ATG5: variants seen among roughly 807,000 people sequenced by gnomAD.
ATG5 encodes the protein autophagy related 5.
A neutral mutation model predicts 36.5 loss-of-function variants in ATG5; 14 were observed. The observed-to-expected ratio is 0.38, with a 90% confidence interval of 0.25 to 0.60. The LOEUF (loss-of-function observed/expected upper bound fraction) is 0.60. Ranked by LOEUF, ATG5 falls within the 20% of genes least tolerant of loss-of-function variation. The pLI, the probability that ATG5 is intolerant of heterozygous loss-of-function variation, is 0.60. For synonymous variants in ATG5, 95 were observed against 101.5 expected, an observed-to-expected ratio of 0.94 and a Z score of 0.38; for missense variants, 195 against 326.7, an observed-to-expected ratio of 0.60 and a Z score of 3.11.
chr6:106,279,340 C>T (rs3804333), intron 5 of ATG5, among the ~76,000 whole-genome samples: 23,393 of 152,174 alleles, frequency 0.15, 2,134 homozygotes, highest in Non-Finnish European at 0.2. Flanking sequence ...ACTGTGACCA[C>T]AGAAGGGTCA....
chr6:106,226,846 G>T (rs562158708), intron 6 of ATG5, among the ~76,000 whole-genome samples: 36 of 152,126 alleles, frequency 2.4e-4, no homozygotes, highest in Non-Finnish European at 4.7e-4. Flanking sequence ...TAACTTGAGG[G>T]GCTCAACAGC....
intron 4 of ATG5, among the ~76,000 whole-genome samples, chr6:106,285,322 G>A (rs1019342758): frequency 6.6e-6 from 1 of 152,114 alleles, no homozygotes; most frequent in Non-Finnish European, 1.5e-5. Flanking sequence ...GTACCAAGAT[G>A]TGGATTCTCT....
intron 1 of ATG5, among the ~76,000 whole-genome samples, chr6:106,322,916 A>G (rs1171054547): frequency 6.6e-6 from 1 of 151,936 alleles, no homozygotes. Flanking sequence ...CCTCTCTCCT[A>G]TCATTTATTT....
At chr6:106,191,187 G>C (rs548660852) in intron 7 of ATG5, among the ~76,000 whole-genome samples, 58 of 152,114 alleles carry the variant, frequency 3.8e-4, no homozygotes, top group African/African-American at 1.4e-3. Flanking sequence ...CAATTTCTGG[G>C]GTAAAGTCTT....
chr6:106,269,601 C>T (rs1005695227), intron 5 of ATG5, among the ~76,000 whole-genome samples: 15 of 152,220 alleles, frequency 9.9e-5, no homozygotes, highest in African/African-American at 2.4e-4. Context: ...GCCGGTGGGC[C>T]GTCACTGCTG....
At chr6:106,288,850 A>T (rs1274372846) in intron 4 of ATG5, among the ~76,000 whole-genome samples, 6 of 152,212 alleles carry the variant, frequency 3.9e-5, no homozygotes, top group Non-Finnish European at 8.8e-5. Flanking sequence ...CATCAAAGTC[A>T]GTTAAAAATT....
chr6:106,323,048 G>T (rs1771153066), intron 1 of ATG5, among the ~76,000 whole-genome samples: 1 of 151,804 alleles, frequency 6.6e-6, no homozygotes, highest in Non-Finnish European at 1.5e-5. Context: ...GCCTCCCAGT[G>T]GCTGGGACTA....
At chr6:106,287,484 A>G (rs1780125094) in intron 4 of ATG5, among the ~76,000 whole-genome samples, 1 of 152,222 alleles carries the variant, frequency 6.6e-6, no homozygotes, top group South Asian at 2.1e-4. Context: ...TGTTGATCTT[A>G]TTTTACTTAA....
intron 4 of ATG5, among the ~76,000 whole-genome samples, chr6:106,286,471 T>C (rs1266253328): frequency 6.6e-6 from 1 of 152,208 alleles, no homozygotes; most frequent in Non-Finnish European, 1.5e-5. Context: ...AAATATCTGA[T>C]GAATAAATGA....
chr6:106,207,801 G>A (rs1776694850), intron 6 of ATG5, among the ~76,000 whole-genome samples: 1 of 151,630 alleles, frequency 6.6e-6, no homozygotes, highest in African/African-American at 2.4e-5. Context: ...TTGTTAAAGA[G>A]TATTAGATTC....
chr6:106,214,512 A>G (rs1776968432), intron 6 of ATG5, among the ~76,000 whole-genome samples: 2 of 152,194 alleles, frequency 1.3e-5, no homozygotes, highest in South Asian at 4.1e-4. Context: ...GGGACACTTA[A>G]TCTCCAAAGG....
At chr6:106,304,402 A>G (rs1770349238) in intron 3 of ATG5, 1 of 152,218 alleles carries the variant, frequency 6.6e-6, no homozygotes, top group African/African-American at 2.4e-5. Flanking sequence ...AGCTTTTCTC[A>G]ATATAGTCCC....
chr6:106,292,695 C>A (rs1281995539), intron 4 of ATG5, among the ~76,000 whole-genome samples: 3 of 152,164 alleles, frequency 2.0e-5, no homozygotes, highest in Non-Finnish European at 4.4e-5. Context: ...ATTGCCCAGG[C>A]TGGTCTTGAA....
At chr6:106,269,763 C>A (rs1208411227) in intron 5 of ATG5, among the ~76,000 whole-genome samples, 1 of 152,238 alleles carries the variant, frequency 6.6e-6, no homozygotes, top group African/African-American at 2.4e-5. Context: ...CCGCGCACAT[C>A]CCCGGTTCCC....
intron 6 of ATG5, among the ~76,000 whole-genome samples, chr6:106,247,394 T>C (rs1394837710): frequency 3.9e-5 from 6 of 152,252 alleles, no homozygotes; most frequent in Non-Finnish European, 8.8e-5. Context: ...ATGGAGTTTC[T>C]TTACCTCATG....
At chr6:106,296,992 G>A (rs1239549294) in intron 3 of ATG5, among the ~76,000 whole-genome samples, 1 of 152,202 alleles carries the variant, frequency 6.6e-6, no homozygotes, top group Admixed American at 6.5e-5. Context: ...AAGAGAGACA[G>A]CAGTACTCTA....
At chr6:106,253,968 T>C (rs2743565) in intron 5 of ATG5, among the ~76,000 whole-genome samples, 65,279 of 151,846 alleles carry the variant, frequency 0.43, 14,459 homozygotes, top group Admixed American at 0.52. Context: ...ACCAGGCCCA[T>C]TCCACCCCCT....
chr6:106,246,412 A>T (rs1466911111), intron 6 of ATG5, among the ~76,000 whole-genome samples: 31 of 151,038 alleles, frequency 2.1e-4, no homozygotes, highest in African/African-American at 3.7e-4. Context: ...ACACACACAC[A>T]CACACACACA....
chr6:106,246,537 G>C (rs1778348567), intron 6 of ATG5, among the ~76,000 whole-genome samples: 1 of 151,614 alleles, frequency 6.6e-6, no homozygotes. Context: ...ATTCAAAAAG[G>C]AAAACCTTTC....
Sources: allele counts gnomAD v4.1 joint callset (sites outside exome capture counted in the v4.1 genomes callset), GRCh38; gene constraint gnomAD v4.1.1; transcripts MANE v1.5; gene names NCBI Gene and HGNC (gene_info 2026-07-23, HGNC 2026-07-21).